C12orf42: variants seen among roughly 807,000 people sequenced by gnomAD.
C12orf42 encodes the protein uncharacterized protein C12orf42.
In C12orf42, 25 loss-of-function variants were observed where a neutral mutation model predicts 21.6. That is an observed-to-expected ratio of 1.16 (90% confidence interval 0.84 to 1.62). C12orf42 has a LOEUF of 1.62. Ranked by LOEUF, C12orf42 falls within the 40% of genes most tolerant of loss-of-function variation. The probability of loss-of-function intolerance (pLI) is 0.00; values close to 1 mark genes in which losing one functional copy is unlikely to be tolerated. For synonymous variants in C12orf42, 174 were observed against 175.0 expected (o/e 0.99, Z 0.05); for missense variants, 483 against 459.3 (o/e 1.05, Z -0.47).
chr12:103,490,562 T>A (rs1246061084), intron 1 of C12orf42, among the ~76,000 whole-genome samples: 1 of 152,074 alleles, frequency 6.6e-6, no homozygotes, highest in Non-Finnish European at 1.5e-5. Flanking sequence ...TTTTCTTCCT[T>A]TTCAACGACT....
chr12:103,273,748 GGAGAAAGAGAA>G (rs1287076917), intron 5 of C12orf42: 1 of 435,572 alleles, frequency 2.3e-6, no homozygotes, highest in African/African-American at 2.0e-5. Flanking sequence ...AAAAGGAGGA[GGAGAAAGAGAA>G]GAGAAAGAGA....
chr12:103,414,475 C>A (rs1292748871), intron 2 of C12orf42, among the ~76,000 whole-genome samples: 2 of 152,070 alleles, frequency 1.3e-5, no homozygotes, highest in African/African-American at 2.4e-5. Context: ...CCGTACATTT[C>A]TTTGGGTAGT....
intron 2 of C12orf42, among the ~76,000 whole-genome samples, chr12:103,403,027 A>T (rs939858745): frequency 1.3e-5 from 2 of 152,144 alleles, no homozygotes; most frequent in African/African-American, 4.8e-5. Context: ...TCTACCTAGT[A>T]TCCCTGACAT....
At chr12:103,219,130 A>T in the C12orf42 span, among the ~76,000 whole-genome samples, 1 of 152,046 alleles carries the variant, frequency 6.6e-6, no homozygotes, top group African/African-American at 2.4e-5. Context: ...AGTGGATCCC[A>T]CTCCCATGGA....
intron 3 of C12orf42, among the ~76,000 whole-genome samples, chr12:103,394,459 T>C (rs1593789899): frequency 6.6e-6 from 1 of 152,170 alleles, no homozygotes; most frequent in Non-Finnish European, 1.5e-5. Context: ...ACTTTAACAG[T>C]TGCTGTGGAA....
chr12:103,117,356 T>G, the C12orf42 span, among the ~76,000 whole-genome samples: 7 of 152,232 alleles, frequency 4.6e-5, no homozygotes, highest in East Asian at 5.8e-4. Flanking sequence ...ATATTCACAA[T>G]GGCATGCTGT....
At chr12:103,055,956 T>A in the C12orf42 span, among the ~76,000 whole-genome samples, 1 of 152,100 alleles carries the variant, frequency 6.6e-6, no homozygotes, top group East Asian at 1.9e-4. Flanking sequence ...TTATGACCCA[T>A]GATATAGTCT....
chr12:103,258,484 G>T (rs566848841), intron 10 of C12orf42, among the ~76,000 whole-genome samples: 2 of 151,986 alleles, frequency 1.3e-5, no homozygotes, highest in South Asian at 4.2e-4. Context: ...ATAGGGCAAA[G>T]ATATTATATT....
intron 4 of C12orf42, among the ~76,000 whole-genome samples, chr12:103,332,598 T>C (rs1242695611): frequency 1.3e-5 from 2 of 152,260 alleles, no homozygotes; most frequent in Non-Finnish European, 2.9e-5. Context: ...TCCAGATCAA[T>C]AGGAGCTTCT....
the C12orf42 span, among the ~76,000 whole-genome samples, chr12:103,186,926 G>T: frequency 6.6e-6 from 1 of 152,048 alleles, no homozygotes; most frequent in East Asian, 1.9e-4. Flanking sequence ...TTACTTTGAT[G>T]GTACTCACTA....
At chr12:103,361,369 C>T (rs2137701368) in intron 4 of C12orf42, among the ~76,000 whole-genome samples, 1 of 152,234 alleles carries the variant, frequency 6.6e-6, no homozygotes. Flanking sequence ...GCAGGAAAAG[C>T]CCTGTGGGCT....
chr12:103,202,193 T>C, the C12orf42 span, among the ~76,000 whole-genome samples: 36 of 152,224 alleles, frequency 2.4e-4, no homozygotes, highest in African/African-American at 8.4e-4. Flanking sequence ...TTGCCAAGGC[T>C]GGCAAGAATC....
intron 2 of C12orf42, among the ~76,000 whole-genome samples, chr12:103,468,267 A>C (rs1469354622): frequency 2.0e-5 from 3 of 152,212 alleles, no homozygotes; most frequent in Non-Finnish European, 4.4e-5. Flanking sequence ...ACAGTTATAA[A>C]ATGCTAACAT....
At chr12:103,464,139 G>A (rs1436459962) in intron 2 of C12orf42, among the ~76,000 whole-genome samples, 1 of 152,128 alleles carries the variant, frequency 6.6e-6, no homozygotes, top group Non-Finnish European at 1.5e-5. Flanking sequence ...AGGTCTTTGA[G>A]GAATCACCAC....
Position 103,306,315 on chromosome 12 carries a change from G to T in C12orf42, c.290C>A (p.Ala97Glu), listed in dbSNP as rs747720849. ...GCAAGTATGAAGTAGTCTTTTACACGCCATTGAATTTTGAGTCCTTTCTGG... is the reference window on the plus strand; with the variant it reads ...GCAAGTATGAAGTAGTCTTTTACACTCCATTGAATTTTGAGTCCTTTCTGG... ...VFPERTQNSM[A>E]CKRLLHTCQY... is the part of the protein sequence containing the mutation. Residue 97 changes from alanine to glutamate, a missense_variant, in exon 5 of 6, where the codon GCG becomes GAG. By Grantham distance (107) the Ala-to-Glu change is moderately radical. Coordinates refer to ENST00000548883, the MANE Select transcript of C12orf42 (RefSeq NM_198521.5). 1.2e-6 allele frequency: 2 copies of T among 1,608,676 alleles called. No individual in the cohort carries two copies. Among genetic ancestry groups the T allele is most frequent in the African/African-American group, 1.3e-5 (1 of 74,694 alleles).
intron 4 of C12orf42, among the ~76,000 whole-genome samples, chr12:103,326,245 C>T (rs2040687412): frequency 6.6e-6 from 1 of 152,134 alleles, no homozygotes; most frequent in East Asian, 1.9e-4. Context: ...TTATGGGGCT[C>T]TTGAAAGAAT....
chr12:103,138,966 T>C, the C12orf42 span, among the ~76,000 whole-genome samples: 1 of 152,342 alleles, frequency 6.6e-6, no homozygotes, highest in East Asian at 1.9e-4. Context: ...CATGTATCTG[T>C]ATTGTTCTCG....
the C12orf42 span, chr12:103,558,121 T>A: frequency 6.6e-6 from 1 of 152,372 alleles, no homozygotes; most frequent in Non-Finnish European, 1.5e-5. Context: ...GTCCATCCCA[T>A]GCCATCTCTT....
chr12:103,227,447 C>T, the C12orf42 span, among the ~76,000 whole-genome samples: 3,966 of 148,454 alleles, frequency 0.027, 148 homozygotes, highest in African/African-American at 0.086. Flanking sequence ...GGTTGGGGTG[C>T]GGAAATAAGG....
Sources: gnomAD v4.1 joint callset for allele counts (sites outside exome capture counted in the v4.1 genomes callset) on GRCh38, gnomAD v4.1.1 for gene constraint, MANE v1.5 for transcripts, NCBI Gene and HGNC (gene_info 2026-07-23, HGNC 2026-07-21) for gene names.